FRMD4A: variants seen among roughly 807,000 people sequenced by gnomAD.
FRMD4A encodes FERM domain-containing protein 4A.
Under a neutral mutation model 129.1 loss-of-function variants are expected in FRMD4A, and 29 were observed. The observed-to-expected ratio is 0.22, with a 90% CI of 0.17 to 0.31. The LOEUF (loss-of-function observed/expected upper bound fraction) is 0.31. Ranked by LOEUF, FRMD4A falls within the 10% of genes least tolerant of loss-of-function variation. FRMD4A has a pLI of 1.00. For synonymous variants in FRMD4A, 634 were observed against 571.6 expected, an observed-to-expected ratio of 1.11 and a Z score of -1.56; for missense variants, 1,272 against 1,375.8, an observed-to-expected ratio of 0.92 and a Z score of 1.19.
chr10:14,303,844 A>G (rs1030252218), intron 2 of FRMD4A, among the ~76,000 whole-genome samples: 4 of 152,084 alleles, frequency 2.6e-5, no homozygotes, highest in African/African-American at 7.2e-5. Context: ...TATTCTCTAT[A>G]ATAATACATT....
At chr10:14,140,191 C>A (rs10906613) in intron 2 of FRMD4A, among the ~76,000 whole-genome samples, 45,027 of 151,926 alleles carry the variant, frequency 0.3, 7,434 homozygotes, top group East Asian at 0.51. Flanking sequence ...CCTCCTGAGT[C>A]GCTGGGACTA....
At chr10:13,685,354 CAGAG>C (rs1045022824) in intron 15 of FRMD4A, 87 of 984,586 alleles carry the variant, frequency 8.8e-5, no homozygotes, top group Non-Finnish European at 1.0e-4. Context: ...TGTAATTTAA[CAGAG>C]AGAGAGGAGA....
At chr10:13,784,797 C>G (rs1371805213) in intron 5 of FRMD4A, among the ~76,000 whole-genome samples, 3 of 152,114 alleles carry the variant, frequency 2.0e-5, no homozygotes, top group Non-Finnish European at 2.9e-5. Flanking sequence ...CGAAACCAGC[C>G]TGGCCACCAT....
intron 2 of FRMD4A, among the ~76,000 whole-genome samples, chr10:14,227,069 G>A (rs1194935185): frequency 1.3e-5 from 2 of 152,026 alleles, no homozygotes; most frequent in African/African-American, 2.4e-5. Context: ...CACGAGGGCT[G>A]CACATGCCCG....
chr10:14,021,201 A>G (rs902502268), intron 2 of FRMD4A, among the ~76,000 whole-genome samples: 5 of 152,080 alleles, frequency 3.3e-5, no homozygotes, highest in Non-Finnish European at 5.9e-5. Flanking sequence ...GGGGATGTGT[A>G]TATAGGTGGG....
intron 2 of FRMD4A, among the ~76,000 whole-genome samples, chr10:13,904,389 T>C (rs2094856737): frequency 6.6e-6 from 1 of 152,132 alleles, no homozygotes; most frequent in Admixed American, 6.5e-5. Context: ...GACGCCTCAT[T>C]CCCCGGGAAG....
intron 2 of FRMD4A, among the ~76,000 whole-genome samples, chr10:14,174,083 G>C (rs796421737): frequency 3.5e-4 from 54 of 152,138 alleles, no homozygotes; most frequent in African/African-American, 1.2e-3. Flanking sequence ...TCTCCTGCAA[G>C]TTACTCTCTC....
chr10:14,102,812 G>A (rs942954798), intron 2 of FRMD4A, among the ~76,000 whole-genome samples: 1 of 151,524 alleles, frequency 6.6e-6, no homozygotes, highest in African/African-American at 2.4e-5. Context: ...CGAAGAGAAG[G>A]GCTTGGGAGT....
intron 2 of FRMD4A, among the ~76,000 whole-genome samples, chr10:14,195,372 C>T (rs1473471572): frequency 6.6e-6 from 1 of 151,900 alleles, no homozygotes; most frequent in Non-Finnish European, 1.5e-5. Context: ...ATCACATCTG[C>T]CTGAGATAGT....
intron 2 of FRMD4A, among the ~76,000 whole-genome samples, chr10:13,955,975 T>C (rs917128644): frequency 3.9e-5 from 6 of 152,192 alleles, no homozygotes; most frequent in African/African-American, 1.4e-4. Flanking sequence ...GGCTTTTATT[T>C]TACACCCTTT....
At chr10:14,221,355 TG>T (rs1442497727) in intron 2 of FRMD4A, among the ~76,000 whole-genome samples, 1 of 152,050 alleles carries the variant, frequency 6.6e-6, no homozygotes, top group African/African-American at 2.4e-5. Flanking sequence ...AGAGCATTGG[TG>T]GAGATGTGGC....
At chr10:13,980,572 TA>T (rs888279680) in intron 2 of FRMD4A, among the ~76,000 whole-genome samples, 7 of 151,566 alleles carry the variant, frequency 4.6e-5, no homozygotes, top group Non-Finnish European at 7.4e-5. Context: ...TCTACAAAAA[TA>T]AAAAATAATT....
intron 2 of FRMD4A, among the ~76,000 whole-genome samples, chr10:14,228,004 G>A (rs1374256102): frequency 1.3e-5 from 2 of 152,068 alleles, no homozygotes; most frequent in Non-Finnish European, 2.9e-5. Flanking sequence ...CTCCCAAGGA[G>A]CTGCGACTAC....
chr10:13,905,980 C>T (rs1565011713), intron 2 of FRMD4A, among the ~76,000 whole-genome samples: 1 of 152,214 alleles, frequency 6.6e-6, no homozygotes, highest in African/African-American at 2.4e-5. Flanking sequence ...CCCTTGAAAT[C>T]AGAATCATGG....
At chr10:14,245,950 G>A (rs879694983) in intron 2 of FRMD4A, among the ~76,000 whole-genome samples, 4 of 152,174 alleles carry the variant, frequency 2.6e-5, no homozygotes, top group Non-Finnish European at 4.4e-5. Flanking sequence ...TTAGCCGGCT[G>A]TGCCTGAAAG....
chr10:13,843,063 G>A (rs1419275568), intron 3 of FRMD4A, among the ~76,000 whole-genome samples: 1 of 152,140 alleles, frequency 6.6e-6, no homozygotes, highest in Non-Finnish European at 1.5e-5. Flanking sequence ...CTCTACCTGT[G>A]AGCCTCTGAG....
At chr10:13,905,697 C>T (rs1022641280) in intron 2 of FRMD4A, among the ~76,000 whole-genome samples, 3 of 152,084 alleles carry the variant, frequency 2.0e-5, no homozygotes, top group African/African-American at 2.4e-5. Context: ...TGTATAGATT[C>T]GGAAATGGAG....
Position 14,270,940 on chromosome 10 carries a change from G to C in FRMD4A, c.45+59118C>G, listed in dbSNP as rs1316715266. On this transcript the variant is annotated intron_variant, in intron 2 of 24. Transcript: ENST00000357447. Reference sequence around the variant, plus strand: ...AGACTGGGTAATTTATAAAAAAAGAGATTTAATTGGCTCATGGTTCTGCAG... The same window carrying C: ...AGACTGGGTAATTTATAAAAAAAGACATTTAATTGGCTCATGGTTCTGCAG... Among the ~76,000 whole-genome samples, 7 of 152,162 alleles carry C rather than the reference G, an allele frequency of 4.6e-5. No individual in the cohort carries two copies. The East Asian group carries it at 1.3e-3, about 29-fold the overall frequency.
intron 4 of FRMD4A, among the ~76,000 whole-genome samples, chr10:13,810,542 T>A (rs899090796): frequency 1.1e-4 from 17 of 152,000 alleles, no homozygotes; most frequent in Non-Finnish European, 1.9e-4. Context: ...TAAAAAAAAA[T>A]AAACATTTCA....
Sources: gnomAD v4.1 joint callset for allele counts (sites outside exome capture counted in the v4.1 genomes callset) on GRCh38, gnomAD v4.1.1 for gene constraint, MANE v1.5 for transcripts, NCBI Gene and HGNC (gene_info 2026-07-23, HGNC 2026-07-21) for gene names.